NRG3: variants seen among roughly 807,000 people sequenced by gnomAD.
NRG3 encodes neuregulin 3, also known as pro-neuregulin-3, membrane-bound isoform.
A neutral mutation model predicts 66.9 loss-of-function variants in NRG3; 31 were observed. That is an observed-to-expected ratio of 0.46 (90% CI 0.35 to 0.63). NRG3 has a LOEUF of 0.63. NRG3 is among the 20% of genes least tolerant of loss of function. NRG3 has a pLI of 0.00. For synonymous variants in NRG3, 393 were observed against 359.4 expected (o/e 1.09, Z -1.06); for missense variants, 910 against 878.9 (o/e 1.04, Z -0.45).
At chr10:82,220,960 G>C (rs1269639485) in intron 1 of NRG3, among the ~76,000 whole-genome samples, 1 of 152,072 alleles carries the variant, frequency 6.6e-6, no homozygotes, top group Non-Finnish European at 1.5e-5. Context: ...TGCCAGCCTG[G>C]GTGACAGAAG....
intron 2 of NRG3, among the ~76,000 whole-genome samples, chr10:82,587,853 A>G (rs1384203426): frequency 1.3e-5 from 2 of 152,246 alleles, no homozygotes; most frequent in Non-Finnish European, 2.9e-5. Flanking sequence ...AAGTAATGTG[A>G]AAGTGTAAAT....
chr10:82,916,271 G>A (rs1026283377), intron 4 of NRG3, among the ~76,000 whole-genome samples: 2 of 152,210 alleles, frequency 1.3e-5, no homozygotes, highest in East Asian at 1.9e-4. Flanking sequence ...GGACAACACA[G>A]CAAGGCCCCA....
chr10:82,480,558 A>C (rs888279654), intron 2 of NRG3, among the ~76,000 whole-genome samples: 2 of 152,200 alleles, frequency 1.3e-5, no homozygotes, highest in Non-Finnish European at 2.9e-5. Context: ...TAACTCCCCA[A>C]ATCAGAGTGG....
chr10:82,464,029 G>A (rs1446899208), intron 2 of NRG3, among the ~76,000 whole-genome samples: 2 of 152,120 alleles, frequency 1.3e-5, no homozygotes, highest in Non-Finnish European at 2.9e-5. Context: ...CAATATAATT[G>A]TATGACTTAG....
intron 2 of NRG3, among the ~76,000 whole-genome samples, chr10:82,423,901 A>T (rs1040187601): frequency 6.6e-6 from 1 of 151,984 alleles, no homozygotes; most frequent in East Asian, 1.9e-4. Context: ...ACAACATGTG[A>T]TCATTTGTCC....
intron 8 of NRG3, among the ~76,000 whole-genome samples, chr10:82,979,949 G>T (rs1220367628): frequency 6.6e-6 from 1 of 152,102 alleles, no homozygotes; most frequent in Non-Finnish European, 1.5e-5. Flanking sequence ...CACACCCATA[G>T]TCCCAGCACT....
At chr10:82,615,170 A>C (rs183449634) in intron 2 of NRG3, among the ~76,000 whole-genome samples, 1 of 152,296 alleles carries the variant, frequency 6.6e-6, no homozygotes, top group African/African-American at 2.4e-5. Flanking sequence ...TGATTAATTT[A>C]TTACTCATTA....
At chr10:82,499,970 T>C (rs1039884755) in intron 2 of NRG3, among the ~76,000 whole-genome samples, 1 of 152,094 alleles carries the variant, frequency 6.6e-6, no homozygotes, top group Non-Finnish European at 1.5e-5. Flanking sequence ...GTAGCCTTCA[T>C]TGTGAGTATA....
At chr10:82,315,310 T>C (rs2081236159) in intron 1 of NRG3, among the ~76,000 whole-genome samples, 1 of 152,230 alleles carries the variant, frequency 6.6e-6, no homozygotes. Flanking sequence ...GGCACACTGT[T>C]CTCATGCTGC....
chr10:82,732,638 A>G (rs986771838), intron 2 of NRG3, among the ~76,000 whole-genome samples: 4 of 152,196 alleles, frequency 2.6e-5, no homozygotes, highest in Non-Finnish European at 5.9e-5. Context: ...AAAAACTAAC[A>G]TTTCTTGAAT....
At chr10:81,935,612 C>A (rs1847781679) in intron 1 of NRG3, among the ~76,000 whole-genome samples, 1 of 152,062 alleles carries the variant, frequency 6.6e-6, no homozygotes, top group Non-Finnish European at 1.5e-5. Context: ...GATAACATCA[C>A]CCCCTCCCCA....
At chr10:82,124,731 A>C (rs1324597437) in intron 1 of NRG3, among the ~76,000 whole-genome samples, 1 of 151,798 alleles carries the variant, frequency 6.6e-6, no homozygotes, top group African/African-American at 2.4e-5. Flanking sequence ...TTAAAGTAAA[A>C]AAAAAAAAAA....
intron 3 of NRG3, among the ~76,000 whole-genome samples, chr10:82,847,977 CAT>C (rs917495334): frequency 2.0e-5 from 3 of 152,054 alleles, no homozygotes; most frequent in African/African-American, 7.2e-5. Context: ...ATCAGAGAAA[CAT>C]ATATGCAGAG....
intron 2 of NRG3, among the ~76,000 whole-genome samples, chr10:82,398,178 G>T (rs144150759): frequency 6.6e-6 from 1 of 152,202 alleles, no homozygotes; most frequent in East Asian, 1.9e-4. Context: ...AAGGGAAGTG[G>T]GAAAGCCAAG....
chr10:82,426,038 T>G (rs2136278327), intron 2 of NRG3, among the ~76,000 whole-genome samples: 1 of 152,220 alleles, frequency 6.6e-6, no homozygotes, highest in Non-Finnish European at 1.5e-5. Context: ...GTAAAACGGG[T>G]TTTGCTAGAG....
chr10:82,102,138 A>ATG, intron 1 of NRG3, among the ~76,000 whole-genome samples: 1 of 23,000 alleles, frequency 4.3e-5, no homozygotes, highest in Non-Finnish European at 1.1e-4. Flanking sequence ...GTATTCATAT[A>ATG]TATATATATA....
intron 4 of NRG3, among the ~76,000 whole-genome samples, chr10:82,947,323 A>T (rs1322809677): frequency 1.3e-5 from 2 of 152,146 alleles, no homozygotes; most frequent in Non-Finnish European, 2.9e-5. Context: ...ATTTCATTAT[A>T]TAGAAATGTA....
chr10:81,878,480 A>G (rs1019708053), intron 1 of NRG3, among the ~76,000 whole-genome samples: 1 of 152,136 alleles, frequency 6.6e-6, no homozygotes, highest in Admixed American at 6.5e-5. Context: ...TAGTTTAGTT[A>G]TTTTTTTCAT....
At chr10:82,414,256 T>C (rs2088354200) in intron 2 of NRG3, among the ~76,000 whole-genome samples, 1 of 152,090 alleles carries the variant, frequency 6.6e-6, no homozygotes, top group Admixed American at 6.6e-5. Context: ...AATTTTAATA[T>C]TGTGTGTCAG....
Sources: allele counts gnomAD v4.1 joint callset (sites outside exome capture counted in the v4.1 genomes callset), GRCh38; gene constraint gnomAD v4.1.1; transcripts MANE v1.5; gene names NCBI Gene and HGNC (gene_info 2026-07-23, HGNC 2026-07-21).